The following XIRP2 variants were observed in gnomAD, a reference collection of about 807,000 sequenced individuals.
XIRP2 encodes the protein xin actin binding repeat containing 2.
In XIRP2, 236 loss-of-function variants were observed where a neutral mutation model predicts 277.0. The observed-to-expected ratio is 0.85, with a 90% CI of 0.77 to 0.95. The LOEUF is 0.95. Among genes scored for constraint, XIRP2 ranks in the 40% least tolerant of loss-of-function variants. The pLI, the probability that XIRP2 is intolerant of heterozygous loss-of-function variation, is 0.00. For synonymous variants in XIRP2, 1,490 were observed against 1,416.5 expected, an observed-to-expected ratio of 1.05 and a Z score of -1.17; for missense variants, 4,640 against 4,157.5, an observed-to-expected ratio of 1.12 and a Z score of -3.19.
Position 167,249,137 on chromosome 2 carries a change from A to C in XIRP2, c.7745A>C (p.Glu2582Ala), listed in dbSNP as rs1695384511. 1 of 1,613,684 alleles carries C rather than the reference A, an allele frequency of 6.2e-7. No homozygotes were observed. The highest frequency in any genetic ancestry group is 1.1e-5 in the South Asian group (1 of 91,072). ...KTQSQNQHIT[E>A]VEKEMPLQKT... is the part of the protein sequence containing the mutation. ...CAAAGCCAAAATCAACACATAACAG[A>C]GGTGGAAAAGGAAATGCCATTACAA... Residue 2582 changes from glutamate (E) to alanine (A), a missense_variant, in exon 9 of 11, where the codon GAG becomes GCG. By Grantham distance (107) the Glu-to-Ala change is moderately radical. Transcript: ENST00000409195.
rs765247761 is a variant in XIRP2, at chr2:167,244,928, GAGA to G, written c.3542_3544del (p.Glu1181del). ...ACAGAAAATTTGGACAGCATACAAG[GAGA>G]AGAAGTGAAGGAAATCAAGCCTGTT... On this transcript the variant is annotated inframe_deletion, in exon 9 of 11. Transcript: ENST00000409195. The G allele has an allele frequency of 4.3e-6, 7 of 1,612,650 alleles. No individual in the cohort carries two copies. The South Asian group carries it at 6.6e-5, about 15-fold the overall frequency.
At chr2:167,234,374 G>T (rs147224875) in intron 5 of XIRP2, among the ~76,000 whole-genome samples, 1 of 150,050 alleles carries the variant, frequency 6.7e-6, no homozygotes, top group Non-Finnish European at 1.5e-5. Context: ...AGCTAACTGA[G>T]CCTTTTTATA....
At chr2:166,948,142 A>G (rs1685931759) in intron 2 of XIRP2, among the ~76,000 whole-genome samples, 2 of 152,222 alleles carry the variant, frequency 1.3e-5, no homozygotes, top group South Asian at 4.1e-4. Context: ...CGGTGGATTC[A>G]TGTCATTATA....
chr2:167,183,038 C>T (rs16853166), intron 3 of XIRP2, among the ~76,000 whole-genome samples: 23,109 of 152,038 alleles, frequency 0.15, 2,511 homozygotes, highest in African/African-American at 0.31. Context: ...GTACCCTAAC[C>T]AGATCAATTT....
intron 2 of XIRP2, among the ~76,000 whole-genome samples, chr2:166,987,692 T>C (rs1403776094): frequency 6.6e-6 from 1 of 152,178 alleles, no homozygotes; most frequent in Non-Finnish European, 1.5e-5. Context: ...GAGTTTAACA[T>C]GCTTAAAAGA....
At chr2:167,204,344 T>G (rs1693799666) in intron 3 of XIRP2, among the ~76,000 whole-genome samples, 1 of 152,210 alleles carries the variant, frequency 6.6e-6, no homozygotes, top group African/African-American at 2.4e-5. Flanking sequence ...GAAAAAGGCA[T>G]CTCTTTGTTG....
At chr2:167,008,582 G>A (rs1039538270) in intron 2 of XIRP2, among the ~76,000 whole-genome samples, 1 of 151,344 alleles carries the variant, frequency 6.6e-6, no homozygotes, top group Non-Finnish European at 1.5e-5. Flanking sequence ...AGGCAACAGT[G>A]GTTTGAAGAT....
chr2:167,241,863 A>G lies in XIRP2; in HGVS notation c.1129A>G (p.Ile377Val). 6.2e-7 allele frequency: 1 copy of G among 1,613,718 alleles called. No homozygotes were observed. Among genetic ancestry groups the G allele is most frequent in the East Asian group, 2.2e-5 (1 of 44,830 alleles). The change falls in exon 8 of 11, where the codon ATC (isoleucine) becomes GTC (valine). Residue 377 changes from isoleucine to valine, a missense_variant. By Grantham distance (29) the Ile-to-Val change is conservative (BLOSUM62 3). Coordinates refer to ENST00000409195, the MANE Select transcript of XIRP2 (RefSeq NM_152381.6). ...GTTTGAAAAGTCTGCCCAGGAAAAG[A>G]TCCTTTATTCTGACAAAGAGATGAC... Reference protein sequence around the residue: ...EQFEKSAQEKILYSDKEMTTP... With the variant: ...EQFEKSAQEKVLYSDKEMTTP...
At chr2:167,210,591 A>T (rs773553278) in intron 3 of XIRP2, 144 bp from the exon 4 acceptor site, 35 of 1,148,802 alleles carry the variant, frequency 3.0e-5, no homozygotes, top group Non-Finnish European at 3.9e-5. Context: ...GAAGGAGATG[A>T]CCATGAGACA....
intron 1 of XIRP2, among the ~76,000 whole-genome samples, chr2:166,901,302 C>T (rs969851100): frequency 2.0e-5 from 3 of 152,004 alleles, no homozygotes; most frequent in Non-Finnish European, 4.4e-5. Context: ...TTCCTCAGGT[C>T]CCAAGGTTCC....
chr2:166,897,484 A>G (rs6755120), intron 1 of XIRP2, among the ~76,000 whole-genome samples: 37,696 of 152,106 alleles, frequency 0.25, 4,829 homozygotes, highest in Admixed American at 0.3. Flanking sequence ...CAGACATCTC[A>G]TTATGCAAAA....
chr2:167,126,506 A>T (rs931845821), intron 2 of XIRP2, among the ~76,000 whole-genome samples: 2 of 152,178 alleles, frequency 1.3e-5, no homozygotes, highest in Admixed American at 6.6e-5. Context: ...AAAGTACTGT[A>T]AAAATTGGTG....
chr2:166,890,495 C>T (rs1290407169), intron 1 of XIRP2, among the ~76,000 whole-genome samples: 1 of 152,190 alleles, frequency 6.6e-6, no homozygotes, highest in African/African-American at 2.4e-5. Context: ...ACCAGAGCAT[C>T]TGAACAGACT....
intron 2 of XIRP2, among the ~76,000 whole-genome samples, chr2:167,128,551 G>A (rs1029733509): frequency 3.3e-5 from 5 of 152,144 alleles, no homozygotes; most frequent in African/African-American, 1.2e-4. Context: ...GGTATCCGGG[G>A]CGGTCCTGGA....
At chr2:167,096,252 T>C (rs1690315049) in intron 2 of XIRP2, among the ~76,000 whole-genome samples, 1 of 152,136 alleles carries the variant, frequency 6.6e-6, no homozygotes, top group Admixed American at 6.6e-5. Flanking sequence ...TTCAGGGATT[T>C]GACTTCTTCT....
intron 2 of XIRP2, among the ~76,000 whole-genome samples, chr2:166,949,130 T>C (rs2105393243): frequency 6.6e-6 from 1 of 152,082 alleles, no homozygotes; most frequent in South Asian, 2.1e-4. Context: ...CTCATGAGGT[T>C]CATGAGCAAC....
intron 2 of XIRP2, among the ~76,000 whole-genome samples, chr2:167,055,709 A>G (rs564140962): frequency 1.3e-5 from 2 of 152,326 alleles, no homozygotes; most frequent in South Asian, 4.1e-4. Context: ...AAAGAAATGT[A>G]TTAGAATAAG....
Position 167,248,488 on chromosome 2 carries a change from C to T in XIRP2, c.7096C>T (p.Pro2366Ser), listed in dbSNP as rs1695356381. 1 of 1,610,288 alleles carries T rather than the reference C, an allele frequency of 6.2e-7. No individual in the cohort carries two copies. The highest frequency in any genetic ancestry group is 8.5e-7 in the Non-Finnish European group (1 of 1,177,390). Residue 2366 changes from proline (P) to serine (S), a missense_variant, in exon 9 of 11, where the codon CCT becomes TCT. Coordinates refer to ENST00000409195, the MANE Select transcript of XIRP2 (RefSeq NM_152381.6). ...AGAAAGTTCATCGATGTTTCTGCCGCCTCCTCCTCCTCCAACTCCATCTCA... is the reference window on the plus strand; with the variant it reads ...AGAAAGTTCATCGATGTTTCTGCCGTCTCCTCCTCCTCCAACTCCATCTCA... ...ERESSSMFLP[P>S]PPPPTPSQKP... is the part of the protein sequence containing the mutation.
In XIRP2 at chr2:167,243,720, A is replaced by G. The variant is rs569259745; in HGVS notation, c.2328A>G (p.Thr776=). The change falls in exon 9 of 11, where the codon ACA becomes ACG. Residue 776 remains threonine, a synonymous_variant. Coordinates refer to ENST00000409195, the MANE Select transcript of XIRP2 (RefSeq NM_152381.6). The part of the protein sequence containing the change: ...DVRTARWMFE[T]QPLDTINKDI... ...GAACAGCACGGTGGATGTTTGAAAC[A>G]CAGCCGTTGGACACAATTAACAAAG... 4.3e-6 allele frequency: 7 copies of G among 1,614,074 alleles called. No individual in the cohort carries two copies. The South Asian group carries it at 7.7e-5, about 18-fold the overall frequency.
Sources: gnomAD v4.1 joint callset for allele counts (sites outside exome capture counted in the v4.1 genomes callset) on GRCh38, gnomAD v4.1.1 for gene constraint, MANE v1.5 for transcripts, NCBI Gene and HGNC (gene_info 2026-07-23, HGNC 2026-07-21) for gene names.